The following SNTG2 variants were observed in gnomAD, a reference collection of about 807,000 sequenced individuals.
SNTG2 encodes the protein gamma-2-syntrophin.
SNTG2 carries 74 observed loss-of-function variants against 70.9 expected under a neutral mutation model. The observed-to-expected ratio is 1.04, with a 90% CI of 0.86 to 1.27. The LOEUF (loss-of-function observed/expected upper bound fraction) is 1.27, where lower values mean the gene tolerates loss of function less well. Ranked by LOEUF, SNTG2 falls within the 50% of genes most tolerant of loss-of-function variation. The pLI is 0.00. For missense variants in SNTG2, 717 were observed against 690.7 expected, an observed-to-expected ratio of 1.04 and a Z score of -0.43; for synonymous variants, 278 against 273.8, an observed-to-expected ratio of 1.02 and a Z score of -0.15.
chr2:1,238,317 C>G (rs1676822969), intron 10 of SNTG2, among the ~76,000 whole-genome samples: 1 of 152,086 alleles, frequency 6.6e-6, no homozygotes, highest in Admixed American at 6.5e-5. Context: ...CACACATATA[C>G]AGAAATAGTT....
intron 1 of SNTG2, among the ~76,000 whole-genome samples, chr2:991,667 C>A (rs367978674): frequency 2.0e-5 from 3 of 152,094 alleles, no homozygotes; most frequent in Admixed American, 1.3e-4. Context: ...CAACACTGTC[C>A]GCAGTAATGG....
intron 12 of SNTG2, among the ~76,000 whole-genome samples, chr2:1,255,780 A>ATG (rs540935705): frequency 6.3e-4 from 64 of 101,054 alleles, no homozygotes; most frequent in Middle Eastern, 4.6e-3. Context: ...TTCTAATTAT[A>ATG]TGTGTGTGTG....
At chr2:1,145,259 C>A in intron 6 of SNTG2, among the ~76,000 whole-genome samples, 1 of 148,674 alleles carries the variant, frequency 6.7e-6, no homozygotes. Flanking sequence ...GAGAAGAAAT[C>A]AGGGACTGAA....
At chr2:1,149,430 C>T (rs1669317873) in intron 6 of SNTG2, among the ~76,000 whole-genome samples, 1 of 152,132 alleles carries the variant, frequency 6.6e-6, no homozygotes, top group African/African-American at 2.4e-5. Context: ...AGAAAGGAAG[C>T]AACAGCATCG....
chr2:1,195,889 G>A (rs796105563), intron 8 of SNTG2, among the ~76,000 whole-genome samples: 29 of 150,062 alleles, frequency 1.9e-4, no homozygotes, highest in African/African-American at 7.2e-4. Context: ...TATCTTTATT[G>A]ATCAGGAAAA....
At chr2:1,212,298 A>G (rs927732061) in intron 9 of SNTG2, among the ~76,000 whole-genome samples, 1 of 152,076 alleles carries the variant, frequency 6.6e-6, no homozygotes, top group African/African-American at 2.4e-5. Flanking sequence ...TGCTCCTACC[A>G]TGTAAGGTGT....
At chr2:961,576 A>G (rs571778037) in intron 1 of SNTG2, among the ~76,000 whole-genome samples, 3 of 152,344 alleles carry the variant, frequency 2.0e-5, no homozygotes, top group East Asian at 1.9e-4. Flanking sequence ...GTTTTCTGCA[A>G]TATCTTTTAA....
At chr2:1,069,990 T>G (rs1197281517) in intron 1 of SNTG2, among the ~76,000 whole-genome samples, 1 of 151,982 alleles carries the variant, frequency 6.6e-6, no homozygotes, top group Non-Finnish European at 1.5e-5. Flanking sequence ...TCCCTCCAAG[T>G]CATTTCAGAA....
chr2:1,311,677 G>T (rs1027120067), intron 15 of SNTG2, among the ~76,000 whole-genome samples: 1 of 152,090 alleles, frequency 6.6e-6, no homozygotes, highest in Non-Finnish European at 1.5e-5. Flanking sequence ...AATATGAAAT[G>T]CTTCTAAATA....
intron 11 of SNTG2, among the ~76,000 whole-genome samples, chr2:1,244,428 G>A (rs1273117762): frequency 1.3e-5 from 2 of 152,108 alleles, no homozygotes; most frequent in African/African-American, 2.4e-5. Flanking sequence ...CGGGCGCGGG[G>A]GCTCACGCCT....
chr2:1,222,528 GC>G lies in SNTG2; in HGVS notation c.719+13299del, dbSNP rs1294034675. ...AGGGCGTCTCCCTGTCCTGCCTGCT[GC>G]TGGAGGTGCTGGATCGCTGTAGAGG... On this transcript the variant is annotated intron_variant, in intron 9 of 16. Coordinates refer to ENST00000308624, the MANE Select transcript of SNTG2 (RefSeq NM_018968.4). Among the ~76,000 whole-genome samples the G allele has an allele frequency of 4.7e-3, 593 of 126,728 alleles. 5 individuals carry two copies. The highest frequency in any genetic ancestry group is 0.017 in the African/African-American group (538 of 31,968). The allele number at this position is 126,728 out of a possible 152,430, so 83.1% of individuals were successfully genotyped here.
At chr2:1,351,103 T>C (rs1302836399) in intron 16 of SNTG2, among the ~76,000 whole-genome samples, 2 of 151,754 alleles carry the variant, frequency 1.3e-5, no homozygotes, top group African/African-American at 4.8e-5. Context: ...AAAATATTTA[T>C]ACAAGCAGAA....
chr2:1,166,361 G>A (rs544782421), intron 7 of SNTG2, among the ~76,000 whole-genome samples: 1 of 152,158 alleles, frequency 6.6e-6, no homozygotes, highest in Admixed American at 6.5e-5. Flanking sequence ...CCGCTGAGCC[G>A]ACAGTCGGGT....
At chr2:1,329,163 G>A (rs1036120449) in intron 16 of SNTG2, among the ~76,000 whole-genome samples, 2 of 151,972 alleles carry the variant, frequency 1.3e-5, no homozygotes, top group African/African-American at 4.8e-5. Flanking sequence ...GAGATCTAGG[G>A]TAATCATTAT....
At chr2:1,178,535 G>C (rs1671636379) in intron 8 of SNTG2, among the ~76,000 whole-genome samples, 1 of 152,042 alleles carries the variant, frequency 6.6e-6, no homozygotes, top group African/African-American at 2.4e-5. Flanking sequence ...TTTGTCAAAG[G>C]CCTTTTCTGC....
chr2:1,285,344 A>G (rs1319436509), intron 14 of SNTG2, among the ~76,000 whole-genome samples: 1 of 152,118 alleles, frequency 6.6e-6, no homozygotes, highest in Non-Finnish European at 1.5e-5. Context: ...TCAAGTTGAC[A>G]CTCAGTATTA....
At chr2:1,169,285 G>A (rs1032639745) in intron 7 of SNTG2, among the ~76,000 whole-genome samples, 6 of 152,174 alleles carry the variant, frequency 3.9e-5, no homozygotes, top group Middle Eastern at 3.4e-3. Flanking sequence ...GGGTGCTTTC[G>A]GATGTTGCTA....
intron 1 of SNTG2, among the ~76,000 whole-genome samples, chr2:991,545 G>A (rs2147978280): frequency 6.6e-6 from 1 of 152,242 alleles, no homozygotes; most frequent in Middle Eastern, 3.4e-3. Flanking sequence ...TCCTGTTATA[G>A]TTTTGACCTA....
chr2:1,168,241 TGAAGCCTACAGGCCGCCCAC>T (rs1558483602), intron 7 of SNTG2, among the ~76,000 whole-genome samples: 2 of 143,886 alleles, frequency 1.4e-5, no homozygotes. Flanking sequence ...ACGGCAGAAC[TGAAGCCTACAGGCCGCCCAC>T]AGACGGCAGA....
Sources: gnomAD v4.1 joint callset for allele counts (sites outside exome capture counted in the v4.1 genomes callset) on GRCh38, gnomAD v4.1.1 for gene constraint, MANE v1.5 for transcripts, NCBI Gene and HGNC (gene_info 2026-07-23, HGNC 2026-07-21) for gene names.